Variants in XXYLT1 observed in about 807,000 individuals in gnomAD.
XXYLT1 encodes the protein UDP-xylose:alpha-xyloside alpha-1,3-xylosyltransferase.
A neutral mutation model predicts 28.9 loss-of-function variants in XXYLT1; 20 were observed. The ratio of observed to expected loss-of-function variants is 0.69; its 90% CI spans 0.49 to 1.00. XXYLT1 has a LOEUF of 1.00. Among genes scored for constraint, XXYLT1 ranks in the 50% least tolerant of loss-of-function variants. XXYLT1 has a pLI of 0.00. For missense variants in XXYLT1, 542 were observed against 560.1 expected, an observed-to-expected ratio of 0.97 and a Z score of 0.33; for synonymous variants, 257 against 253.8, an observed-to-expected ratio of 1.01 and a Z score of -0.12.
intron 2 of XXYLT1, among the ~76,000 whole-genome samples, chr3:195,188,670 T>C (rs1722300925): frequency 6.6e-6 from 1 of 152,212 alleles, no homozygotes; most frequent in Non-Finnish European, 1.5e-5. Flanking sequence ...TAAGCCTCAA[T>C]TTTGGGGCTT....
In XXYLT1 at chr3:195,165,717, C is replaced by T. The variant is rs78709443; in HGVS notation, c.653-9136G>A. 1.2e-3 allele frequency among the ~76,000 whole-genome samples: 175 copies of T among 152,164 alleles called. 1 individual carries two copies. In the East Asian group the frequency reaches 0.03, roughly 26 times the overall value. On this transcript the variant is annotated intron_variant, in intron 2 of 3. Transcript: ENST00000310380. ...AGCCAGGAATCCTAACAAAATGTCA[C>T]GTTATATTGGTGCTGTTGATACTAC...
intron 3 of XXYLT1, among the ~76,000 whole-genome samples, chr3:195,102,239 A>C (rs7648003): frequency 0.19 from 29,077 of 152,214 alleles, 3,253 homozygotes; most frequent in East Asian, 0.41. Context: ...TAGTCAAGCA[A>C]ATTAACATAT....
At chr3:195,128,489 C>T (rs1055103645) in intron 3 of XXYLT1, among the ~76,000 whole-genome samples, 3 of 152,158 alleles carry the variant, frequency 2.0e-5, no homozygotes, top group Non-Finnish European at 4.4e-5. Context: ...CAGGATAAAG[C>T]ACAAATGCCT....
At chr3:195,167,969 T>A (rs1721212961) in intron 2 of XXYLT1, among the ~76,000 whole-genome samples, 1 of 152,252 alleles carries the variant, frequency 6.6e-6, no homozygotes, top group Admixed American at 6.5e-5. Flanking sequence ...AAATGATCAC[T>A]GCATACCACA....
intron 2 of XXYLT1, among the ~76,000 whole-genome samples, chr3:195,218,315 G>A (rs1421477859): frequency 6.7e-6 from 1 of 150,016 alleles, no homozygotes; most frequent in African/African-American, 2.4e-5. Flanking sequence ...TTGACAAATG[G>A]GATCTAATTA....
At chr3:195,237,325 T>C (rs1440642576) in intron 1 of XXYLT1, among the ~76,000 whole-genome samples, 1 of 152,166 alleles carries the variant, frequency 6.6e-6, no homozygotes, top group Non-Finnish European at 1.5e-5. Flanking sequence ...GGCTGAGTTC[T>C]ACCCACTGCT....
At chr3:195,106,641 G>A (rs1717110125) in intron 3 of XXYLT1, among the ~76,000 whole-genome samples, 1 of 152,246 alleles carries the variant, frequency 6.6e-6, no homozygotes, top group Admixed American at 6.5e-5. Flanking sequence ...GGCAGGGAGG[G>A]CCGCAGAGCG....
intron 3 of XXYLT1, among the ~76,000 whole-genome samples, chr3:195,114,011 G>A (rs1042249322): frequency 6.6e-6 from 1 of 152,204 alleles, no homozygotes; most frequent in Non-Finnish European, 1.5e-5. Context: ...GCATCTGGGA[G>A]CCATGAGTGC....
chr3:195,179,332 C>T (rs1331423964), intron 2 of XXYLT1, among the ~76,000 whole-genome samples: 4 of 145,502 alleles, frequency 2.7e-5, no homozygotes, highest in African/African-American at 7.7e-5. Context: ...AAGAGTGAGA[C>T]ACCGTCTCAA....
At position 195,156,417 on chromosome 3, in the gene XXYLT1, G is replaced by T. The variant is rs116204271; in HGVS notation, c.785+32C>A. 2.3e-3 allele frequency: 3,678 copies of T among 1,606,666 alleles called. 55 individuals are homozygous for T. In the African/African-American group the frequency reaches 0.04, roughly 17 times the overall value. On this transcript the variant is annotated intron_variant, in intron 3 of 3. Transcript: ENST00000310380. ...AGAGGGTGAAGGGTGGGGAGGGGTCGTGGAGGCGGCCCCCCTGCAGTCATG... is the reference window on the plus strand; with the variant it reads ...AGAGGGTGAAGGGTGGGGAGGGGTCTTGGAGGCGGCCCCCCTGCAGTCATG...
At chr3:195,172,323 A>T (rs1164315954) in intron 2 of XXYLT1, among the ~76,000 whole-genome samples, 1 of 152,190 alleles carries the variant, frequency 6.6e-6, no homozygotes, top group Non-Finnish European at 1.5e-5. Context: ...TGTTTCGCTC[A>T]GGAGGAAAAA....
chr3:195,250,564 C>CAAA (rs112929194), intron 1 of XXYLT1, among the ~76,000 whole-genome samples: 1 of 107,382 alleles, frequency 9.3e-6, no homozygotes, highest in South Asian at 3.0e-4. Flanking sequence ...AACTCCATCT[C>CAAA]AAAAAAAAAA....
chr3:195,112,578 C>T (rs912341967), intron 3 of XXYLT1, among the ~76,000 whole-genome samples: 6 of 146,930 alleles, frequency 4.1e-5, no homozygotes, highest in Non-Finnish European at 9.0e-5. Context: ...TGCACACACA[C>T]GCACGCACAC....
At chr3:195,202,154 G>C (rs1165860853) in intron 2 of XXYLT1, among the ~76,000 whole-genome samples, 1 of 152,126 alleles carries the variant, frequency 6.6e-6, no homozygotes, top group Non-Finnish European at 1.5e-5. Context: ...TCCTGCCTGG[G>C]CAACAGAGTG....
At chr3:195,181,580 T>A (rs905400797) in intron 2 of XXYLT1, among the ~76,000 whole-genome samples, 3 of 152,310 alleles carry the variant, frequency 2.0e-5, no homozygotes, top group African/African-American at 7.2e-5. Flanking sequence ...TTCCTGTATA[T>A]AAGCTCACTT....
intron 3 of XXYLT1, among the ~76,000 whole-genome samples, chr3:195,138,170 G>C (rs1025470100): frequency 6.6e-6 from 1 of 152,200 alleles, no homozygotes; most frequent in African/African-American, 2.4e-5. Context: ...TATCTTCCCA[G>C]GAAATTTAAG....
chr3:195,266,882 T>TA (rs1413708139), intron 1 of XXYLT1, among the ~76,000 whole-genome samples: 1 of 152,214 alleles, frequency 6.6e-6, no homozygotes, highest in Non-Finnish European at 1.5e-5. Flanking sequence ...AAAATGGACT[T>TA]ACTGTATAGG....
At position 195,195,596 on chromosome 3, in the gene XXYLT1, T is replaced by C. The variant is rs758696479; in HGVS notation, c.652+31113A>G. ...GGGAGAGGCTACCCGTGGTTTGTTGTAAATGAAAGAGATTCATGAATGAAA... is the reference window on the plus strand; with the variant it reads ...GGGAGAGGCTACCCGTGGTTTGTTGCAAATGAAAGAGATTCATGAATGAAA... On this transcript the variant is annotated intron_variant, in intron 2 of 3. Coordinates refer to ENST00000310380, the MANE Select transcript of XXYLT1 (RefSeq NM_152531.5). This position sits in a 1 kb window ranked among gnomAD's most constrained non-coding sequence, Gnocchi z 4.4. Among the ~76,000 whole-genome samples the C allele has an allele frequency of 2.6e-5, 4 of 152,210 alleles. No homozygotes were observed. Among genetic ancestry groups the C allele is most frequent in the Non-Finnish European group, 5.9e-5 (4 of 68,042 alleles).
In XXYLT1 at chr3:195,074,574, C is replaced by T. The variant is rs1323339504; in HGVS notation, c.786-4463G>A. ...CAGCAGCTGTCCAGCACTTCATCCA[C>T]ACCAGCCAGGTCCTCTGGGGTGATC... On this transcript the variant is annotated intron_variant, in intron 3 of 3. Coordinates refer to ENST00000310380, the MANE Select transcript of XXYLT1 (RefSeq NM_152531.5). 3.3e-5 allele frequency among the ~76,000 whole-genome samples: 5 copies of T among 152,322 alleles called. No homozygotes were observed. The East Asian group carries it at 7.7e-4, about 24-fold the overall frequency.
Sources: allele counts gnomAD v4.1 joint callset (sites outside exome capture counted in the v4.1 genomes callset), GRCh38; gene constraint gnomAD v4.1.1; non-coding constraint Gnocchi (gnomAD v3.1); transcripts MANE v1.5; gene names NCBI Gene and HGNC (gene_info 2026-07-23, HGNC 2026-07-21).